Variants in GNG7 observed in about 807,000 individuals in gnomAD.
The protein encoded by GNG7 is G protein subunit gamma 7, also known as guanine nucleotide-binding protein G(I)/G(S)/G(O) subunit gamma-7.
In GNG7, 1 loss-of-function variant was observed where a neutral mutation model predicts 4.0. The ratio of observed to expected loss-of-function variants is 0.25; its 90% CI spans 0.09 to 1.18. The LOEUF is 1.18. Ranked by LOEUF, GNG7 falls within the 50% of genes most tolerant of loss-of-function variation. The probability of loss-of-function intolerance (pLI) is 0.50; values close to 1 mark genes in which losing one functional copy is unlikely to be tolerated. For synonymous variants in GNG7, 34 were observed against 36.9 expected (o/e 0.92, Z 0.29); for missense variants, 86 against 91.9 (o/e 0.94, Z 0.26).
chr19:2,563,030 C>T (rs976837661), intron 2 of GNG7, among the ~76,000 whole-genome samples: 1 of 151,680 alleles, frequency 6.6e-6, no homozygotes, highest in Non-Finnish European at 1.5e-5. Context: ...CTGCAAGCTC[C>T]TCCTCCCGGG....
chr19:2,652,482 G>C (rs1982856231), intron 1 of GNG7, among the ~76,000 whole-genome samples: 1 of 152,058 alleles, frequency 6.6e-6, no homozygotes. Context: ...AGCCGGGCGT[G>C]GTGGTGCATG....
At chr19:2,540,374 TCTC>T (rs59015768) in intron 3 of GNG7, among the ~76,000 whole-genome samples, 20,755 of 151,910 alleles carry the variant, frequency 0.14, 1,553 homozygotes, top group East Asian at 0.27. Flanking sequence ...CTGGTTTTGA[TCTC>T]CTGGCCTCCG....
intron 3 of GNG7, among the ~76,000 whole-genome samples, chr19:2,541,332 T>C (rs1293565433): frequency 6.6e-6 from 1 of 151,712 alleles, no homozygotes; most frequent in Non-Finnish European, 1.5e-5. Flanking sequence ...AAATAAATGT[T>C]CTTGGGGAAG....
At chr19:2,576,029 A>AGG (rs1980326348) in intron 2 of GNG7, among the ~76,000 whole-genome samples, 1 of 93,026 alleles carries the variant, frequency 1.1e-5, no homozygotes, top group African/African-American at 6.0e-5. Context: ...GCAGACACAC[A>AGG]CACAGACACA....
At chr19:2,605,226 C>A (rs1316339256) in intron 2 of GNG7, among the ~76,000 whole-genome samples, 1 of 152,158 alleles carries the variant, frequency 6.6e-6, no homozygotes, top group Non-Finnish European at 1.5e-5. Flanking sequence ...GAGACAAGGT[C>A]TCTCTCTGTT....
At chr19:2,563,071 A>G (rs113789280) in intron 2 of GNG7, among the ~76,000 whole-genome samples, 1 of 151,576 alleles carries the variant, frequency 6.6e-6, no homozygotes, top group African/African-American at 2.4e-5. Flanking sequence ...CAGCCTCCCA[A>G]GTAGCTGGGA....
intron 2 of GNG7, among the ~76,000 whole-genome samples, chr19:2,619,610 C>T (rs556092210): frequency 1.1e-4 from 17 of 152,262 alleles, no homozygotes; most frequent in South Asian, 2.1e-4. Context: ...GCTCTGATGC[C>T]GGCCACAGTG....
intron 4 of GNG7, among the ~76,000 whole-genome samples, chr19:2,519,347 G>T (rs185012786): frequency 6.6e-6 from 1 of 150,814 alleles, no homozygotes; most frequent in Non-Finnish European, 1.5e-5. Flanking sequence ...GGAGAGACGG[G>T]GTTTCACCAT....
At chr19:2,632,706 G>A (rs1048876871) in intron 2 of GNG7, 1 of 152,180 alleles carries the variant, frequency 6.6e-6, no homozygotes, top group African/African-American at 2.4e-5. Flanking sequence ...GCACCCCTTA[G>A]TTACACTGAG....
chr19:2,577,750 T>A (rs945476707), intron 2 of GNG7, among the ~76,000 whole-genome samples: 1 of 151,046 alleles, frequency 6.6e-6, no homozygotes, highest in Non-Finnish European at 1.5e-5. Flanking sequence ...ATATTATATA[T>A]GCATGTAAGC....
chr19:2,525,867 T>G (rs1228828409), intron 3 of GNG7, among the ~76,000 whole-genome samples: 1 of 151,654 alleles, frequency 6.6e-6, no homozygotes, highest in African/African-American at 2.4e-5. Context: ...TGAAGTGCGG[T>G]GGCGCGATCT....
chr19:2,542,025 A>G (rs1978976922), intron 3 of GNG7, among the ~76,000 whole-genome samples: 1 of 151,080 alleles, frequency 6.6e-6, no homozygotes, highest in Non-Finnish European at 1.5e-5. Flanking sequence ...GGCTGGCTGC[A>G]GGGCGGCCCT....
At chr19:2,638,755 G>T (rs1982402618) in intron 2 of GNG7, among the ~76,000 whole-genome samples, 1 of 151,056 alleles carries the variant, frequency 6.6e-6, no homozygotes, top group South Asian at 2.1e-4. Context: ...GAGGGGAGGG[G>T]AGGGGAGGGT....
chr19:2,586,446 G>A (rs765447488), intron 2 of GNG7, among the ~76,000 whole-genome samples: 4 of 152,208 alleles, frequency 2.6e-5, no homozygotes, highest in Non-Finnish European at 4.4e-5. Flanking sequence ...CGTCTGGCTT[G>A]GGGGGCTGGG....
intron 1 of GNG7, among the ~76,000 whole-genome samples, chr19:2,667,547 G>A (rs1243306928): frequency 6.6e-6 from 1 of 152,182 alleles, no homozygotes; most frequent in East Asian, 1.9e-4. Context: ...GGGAGGCCGA[G>A]GCAGGAGGAT....
intron 1 of GNG7, among the ~76,000 whole-genome samples, chr19:2,682,286 G>GA (rs1983758010): frequency 1.3e-5 from 2 of 152,226 alleles, no homozygotes; most frequent in South Asian, 4.1e-4. Context: ...GTTTTACCTG[G>GA]AAAAATGTGC....
chr19:2,689,658 G>A (rs971759080), intron 1 of GNG7, among the ~76,000 whole-genome samples: 4 of 140,728 alleles, frequency 2.8e-5, no homozygotes, highest in South Asian at 2.2e-4. Flanking sequence ...AACCATATTC[G>A]ATGCAATTCT....
chr19:2,696,347 A>AAAGAAAGAAAG (rs758616376), intron 1 of GNG7, among the ~76,000 whole-genome samples: 4 of 119,220 alleles, frequency 3.4e-5, no homozygotes, highest in African/African-American at 1.3e-4. Context: ...AGAAAGAAAG[A>AAAGAAAGAAAG]AAAGAAAGAA....
At chr19:2,536,105 C>A (rs374858060) in intron 3 of GNG7, among the ~76,000 whole-genome samples, 5 of 151,934 alleles carry the variant, frequency 3.3e-5, no homozygotes, top group South Asian at 2.1e-4. Flanking sequence ...AGCCGGGCAA[C>A]AGAGTGAGAC....
Sources: allele counts gnomAD v4.1 joint callset (sites outside exome capture counted in the v4.1 genomes callset), GRCh38; gene constraint gnomAD v4.1.1; transcripts MANE v1.5; gene names NCBI Gene and HGNC (gene_info 2026-07-23, HGNC 2026-07-21).